ZNF148: variants seen among roughly 807,000 people sequenced by gnomAD.
ZNF148 encodes zinc finger protein 148, also known as Beta-Enolase Repressor Factor-1.
A neutral mutation model predicts 67.7 loss-of-function variants in ZNF148; 7 were observed. The ratio of observed to expected loss-of-function variants is 0.10; its 90% CI spans 0.06 to 0.19. The LOEUF (loss-of-function observed/expected upper bound fraction) is 0.19. ZNF148 is among the 10% of genes least tolerant of loss of function. The pLI, the probability that ZNF148 is intolerant of heterozygous loss-of-function variation, is 1.00. For missense variants in ZNF148, 583 were observed against 947.1 expected (o/e 0.62, Z 5.05); for synonymous variants, 333 against 330.7 (o/e 1.01, Z -0.08).
chr3:125,318,579 G>A (rs979681313), intron 3 of ZNF148, among the ~76,000 whole-genome samples: 1 of 152,170 alleles, frequency 6.6e-6, no homozygotes, highest in African/African-American at 2.4e-5. Flanking sequence ...AATACGTGGA[G>A]TAATAAGCCA....
intron 4 of ZNF148, among the ~76,000 whole-genome samples, chr3:125,289,019 T>C (rs1183497214): frequency 6.6e-6 from 1 of 152,200 alleles, no homozygotes; most frequent in Non-Finnish European, 1.5e-5. Context: ...TCACTAACAG[T>C]ACCATCGTCA....
At chr3:125,349,354 T>C (rs1293716509) in intron 1 of ZNF148, among the ~76,000 whole-genome samples, 2 of 152,160 alleles carry the variant, frequency 1.3e-5, no homozygotes, top group African/African-American at 2.4e-5. Context: ...ATCCACAATA[T>C]ACAAGGAACT....
At chr3:125,303,515 T>C (rs1939710916) in intron 4 of ZNF148, among the ~76,000 whole-genome samples, 1 of 152,172 alleles carries the variant, frequency 6.6e-6, no homozygotes, top group African/African-American at 2.4e-5. Context: ...TAAATTCTCA[T>C]AGGAGCTCAA....
intron 4 of ZNF148, 126 bp from the exon 5 acceptor site, chr3:125,288,354 G>T: frequency 1.0e-6 from 1 of 970,306 alleles, no homozygotes; most frequent in Non-Finnish European, 1.5e-6. Context: ...ATCTATGTGT[G>T]TGTGTCCTAA....
chr3:125,297,727 T>TA (rs762738478), intron 4 of ZNF148, among the ~76,000 whole-genome samples: 26 of 145,638 alleles, frequency 1.8e-4, no homozygotes, highest in Non-Finnish European at 3.1e-4. Context: ...CCAAAACAGC[T>TA]AAACTTAAAA....
chr3:125,357,405 A>AC (rs1382221373), intron 1 of ZNF148: 50 of 152,028 alleles, frequency 3.3e-4, no homozygotes, highest in African/African-American at 8.8e-4. Context: ...GGACACACAC[A>AC]CACCCCCCAA....
intron 1 of ZNF148, among the ~76,000 whole-genome samples, chr3:125,337,546 T>C (rs1312635675): frequency 1.3e-5 from 2 of 152,222 alleles, no homozygotes; most frequent in Non-Finnish European, 2.9e-5. Flanking sequence ...TAAATAATCA[T>C]GATACACTTT....
At chr3:125,304,104 G>A (rs899101059) in intron 4 of ZNF148, among the ~76,000 whole-genome samples, 16 of 151,996 alleles carry the variant, frequency 1.1e-4, no homozygotes, top group African/African-American at 3.9e-4. Context: ...TTATCCTCCA[G>A]GAACCAGTCA....
At position 125,232,799 on chromosome 3, in the gene ZNF148, A is replaced by G. The variant is rs1418026283; in HGVS notation, c.1927T>C (p.Phe643Leu). The part of the protein sequence containing the change: ...DNQTLPNQPA[F>L]SSIDKQVYAT... ...TAGACCTGCTTGTCTATGGAAGAGA[A>G]TGCTGGCTGATTTGGGAGGGTCTGG... The change falls in exon 9 of 9, where the codon TTC becomes CTC. Residue 643 changes from phenylalanine to leucine, a missense_variant. Physicochemically the swap from Phe to Leu is conservative, Grantham distance 22 (BLOSUM62 0). Coordinates refer to ENST00000360647, the MANE Select transcript of ZNF148 (RefSeq NM_021964.3). The surrounding 1 kb of genome is among the most constrained non-coding windows in gnomAD (Gnocchi z 4.2). 1 of 1,613,872 alleles carries G rather than the reference A, an allele frequency of 6.2e-7. No homozygotes were observed. The highest frequency in any genetic ancestry group is 1.1e-5 in the South Asian group (1 of 91,080).
intron 3 of ZNF148, among the ~76,000 whole-genome samples, chr3:125,318,666 G>T (rs934190539): frequency 2.6e-5 from 4 of 152,124 alleles, no homozygotes; most frequent in African/African-American, 9.7e-5. Flanking sequence ...AAATGGCAGC[G>T]CTGTTAAGAA....
chr3:125,329,487 G>A (rs752901740), intron 2 of ZNF148, among the ~76,000 whole-genome samples: 51 of 150,798 alleles, frequency 3.4e-4, no homozygotes, highest in Middle Eastern at 6.8e-3. Flanking sequence ...TCAGCCTCCC[G>A]AGTAGCTGGG....
chr3:125,289,482 A>G (rs1402472390), intron 4 of ZNF148, among the ~76,000 whole-genome samples: 1 of 152,062 alleles, frequency 6.6e-6, no homozygotes, highest in Non-Finnish European at 1.5e-5. Flanking sequence ...TACAGTGACC[A>G]CTCTTCTGGC....
At chr3:125,301,605 A>G (rs1250088048) in intron 4 of ZNF148, among the ~76,000 whole-genome samples, 1 of 152,254 alleles carries the variant, frequency 6.6e-6, no homozygotes, top group Non-Finnish European at 1.5e-5. Flanking sequence ...TTCCACATGA[A>G]TGAGCAAATC....
rs1159766867 is a variant in ZNF148, at chr3:125,233,408, C to T, written c.1318G>A (p.Gly440Ser). The T allele has an allele frequency of 1.9e-6, 3 of 1,613,982 alleles. No individual in the cohort carries two copies. Among genetic ancestry groups the T allele is most frequent in the Admixed American group, 3.3e-5 (2 of 59,960 alleles). Residue 440 changes from glycine to serine, a missense_variant, in exon 9 of 9, where the codon GGC becomes AGC. By Grantham distance (56) the Gly-to-Ser change is moderately conservative. This residue lies in a region of ZNF148 where 172 missense variants were observed against 307.7 expected (regional missense o/e 0.56). Transcript: ENST00000360647. This position sits in a 1 kb window ranked among gnomAD's most constrained non-coding sequence, Gnocchi z 5.1. The part of the protein sequence containing the change: ...VDKQALLDSE[G>S]NADIDQVDNL... ...TCAACCTGATCAATGTCAGCATTGC[C>T]TTCTGAGTCCAGTAAAGCCTGTTTA...
At chr3:125,362,748 T>G (rs957621516) in intron 1 of ZNF148, among the ~76,000 whole-genome samples, 1 of 151,788 alleles carries the variant, frequency 6.6e-6, no homozygotes, top group African/African-American at 2.4e-5. Context: ...AGAGATGAGG[T>G]TTCATCATGT....
chr3:125,265,494 T>C (rs1937513975), intron 7 of ZNF148, among the ~76,000 whole-genome samples: 1 of 152,252 alleles, frequency 6.6e-6, no homozygotes, highest in South Asian at 2.1e-4. Context: ...CATTGTCTAT[T>C]TCTCCTAAAT....
rs1011288612 is a variant in ZNF148, at chr3:125,227,085, G to A, written c.*5256C>T. The A allele has an allele frequency of 6.6e-6, 1 of 151,700 alleles. No individual in the cohort carries two copies. The highest frequency in any genetic ancestry group is 2.4e-5 in the African/African-American group (1 of 41,048). The allele number at this position is 151,700 out of a possible 1,614,324, so 9.4% of individuals were successfully genotyped here. ...CTGCTGCAACCTTCCCAAGACACAC[G>A]ATGCCCCCCTTTCCCTCGGAAATTT... On this transcript the variant is annotated 3_prime_UTR_variant, in exon 9 of 9. Coordinates refer to ENST00000360647, the MANE Select transcript of ZNF148 (RefSeq NM_021964.3).
chr3:125,295,459 A>AT (rs1939234789), intron 4 of ZNF148, among the ~76,000 whole-genome samples: 1 of 152,046 alleles, frequency 6.6e-6, no homozygotes, highest in African/African-American at 2.4e-5. Flanking sequence ...TCTCAAAAAA[A>AT]AAAAAAGACA....
rs1360965758 is a variant in ZNF148 at position 125,233,153 on chromosome 3, C to A, written c.1573G>T (p.Val525Leu). 6.2e-7 allele frequency: 1 copy of A among 1,613,844 alleles called. No homozygotes were observed. The highest frequency in any genetic ancestry group is 1.1e-5 in the South Asian group (1 of 91,074). ...ASILESQALN[V>L]EIKSNHDKNV... ...TTGTCATGATTACTCTTAATCTCCACATTCAGTGCCTGTGACTCTAATATG... is the reference window on the plus strand; with the variant it reads ...TTGTCATGATTACTCTTAATCTCCAAATTCAGTGCCTGTGACTCTAATATG... The change falls in exon 9 of 9, where the codon GTG becomes TTG. Residue 525 changes from valine to leucine, a missense_variant. Transcript: ENST00000360647. This position sits in a 1 kb window ranked among gnomAD's most constrained non-coding sequence, Gnocchi z 5.1.
Sources: allele counts gnomAD v4.1 joint callset (sites outside exome capture counted in the v4.1 genomes callset), GRCh38; gene constraint gnomAD v4.1.1; regional missense constraint gnomAD v4.1.1; non-coding constraint Gnocchi (gnomAD v3.1); transcripts MANE v1.5; gene names NCBI Gene and HGNC (gene_info 2026-07-23, HGNC 2026-07-21).